GRIP2: variants seen among roughly 807,000 people sequenced by gnomAD.
The protein encoded by GRIP2 is glutamate receptor-interacting protein 2.
Under a neutral mutation model 108.3 loss-of-function variants are expected in GRIP2, and 58 were observed. That is an observed-to-expected ratio of 0.54 (90% CI 0.43 to 0.67). The LOEUF (loss-of-function observed/expected upper bound fraction) is 0.67, where lower values mean the gene tolerates loss of function less well. GRIP2 is among the 30% of genes least tolerant of loss of function. The probability of loss-of-function intolerance (pLI) is 0.00; values close to 1 mark genes in which losing one functional copy is unlikely to be tolerated. For synonymous variants in GRIP2, 586 were observed against 598.2 expected, an observed-to-expected ratio of 0.98 and a Z score of 0.30; for missense variants, 1,278 against 1,430.6, an observed-to-expected ratio of 0.89 and a Z score of 1.72.
intron 1 of GRIP2, among the ~76,000 whole-genome samples, chr3:14,529,680 T>A (rs538516715): frequency 5.3e-5 from 8 of 152,334 alleles, no homozygotes; most frequent in African/African-American, 1.9e-4. Context: ...TCTAATAATT[T>A]TAAATATTTT....
the GRIP2 span, chr3:14,574,453 C>T: frequency 1.4e-6 from 1 of 710,682 alleles, no homozygotes; most frequent in Middle Eastern, 3.0e-4. Flanking sequence ...CAGCCTCGCT[C>T]CAAAGGCAGC....
Position 14,521,742 on chromosome 3 carries a change from T to A in GRIP2, c.612A>T (p.Gly204=). 6.2e-7 allele frequency: 1 copy of A among 1,609,880 alleles called. No homozygotes were observed. The highest frequency in any genetic ancestry group is 1.1e-5 in the South Asian group (1 of 90,164). The change falls in exon 7 of 24, where the codon GGA becomes GGT. Residue 204 remains glycine (G), a synonymous_variant. Coordinates refer to ENST00000621039, the MANE Select transcript of GRIP2 (RefSeq NM_001080423.4). This position sits in a 1 kb window ranked among gnomAD's most constrained non-coding sequence, Gnocchi z 5.1. ...CATGGCTGGCCCCGTGCAGCGGGATTCCATCGACACTGAGCAGCCTGTCGC... is the reference window on the plus strand; with the variant it reads ...CATGGCTGGCCCCGTGCAGCGGGATACCATCGACACTGAGCAGCCTGTCGC... ...KVGDRLLSVD[G]IPLHGASHAT...
the GRIP2 span, among the ~76,000 whole-genome samples, chr3:14,567,382 C>T: frequency 0.026 from 3,923 of 152,168 alleles, 196 homozygotes; most frequent in African/African-American, 0.088. Flanking sequence ...ATCCCTCATG[C>T]CCTCCCTGGG....
rs776313859 is a variant in GRIP2, at chr3:14,493,804, TC to T, written c.2992del (p.Asp998ThrfsTer20). The T allele has an allele frequency of 6.2e-7, 1 of 1,613,278 alleles. No individual in the cohort carries two copies. The highest frequency in any genetic ancestry group is 1.7e-5 in the Admixed American group (1 of 59,988). On this transcript the variant is annotated frameshift_variant, in exon 24 of 24. Transcript: ENST00000621039. LOFTEE classifies it high-confidence loss of function. Reference sequence around the variant, plus strand: ...TGGCACCGCCAGGCAGCAGTCGAAGTCCCGTGTACGGACGTGGTTGACCTGC... The same window carrying T: ...TGGCACCGCCAGGCAGCAGTCGAAGTCCGTGTACGGACGTGGTTGACCTGC... Reference protein sequence around the residue: ...VLQVNHVRTRDFDCCLAVPLL... With the variant: ...VLQVNHVRTRXFDCCLAVPLL...
Position 14,511,463 on chromosome 3 carries a change from T to G in GRIP2, c.1737A>C (p.Arg579=). The G allele has an allele frequency of 6.2e-7, 1 of 1,613,550 alleles. No individual in the cohort carries two copies. The highest frequency in any genetic ancestry group is 8.5e-7 in the Non-Finnish European group (1 of 1,179,874). Residue 579 remains arginine (R), a synonymous_variant, in exon 15 of 24, where the codon CGA becomes CGC. Coordinates refer to ENST00000621039, the MANE Select transcript of GRIP2 (RefSeq NM_001080423.4). The surrounding 1 kb of genome is among the most constrained non-coding windows in gnomAD (Gnocchi z 4.1). ...GITISSASRK[R]GEPLIISDIK... ...TGTCGGAGATGATCAAGGGCTCCCC[T>G]CGTTTCCTGCTGGCCGCTGGAGAAA... is the stretch of plus-strand genomic sequence containing the variant.
chr3:14,537,729 G>T (rs901182784), intron 1 of GRIP2, among the ~76,000 whole-genome samples: 9 of 152,196 alleles, frequency 5.9e-5, no homozygotes, highest in African/African-American at 1.9e-4. Flanking sequence ...GCCTGGTGAG[G>T]GCCCCTCGGA....
chr3:14,597,059 C>T, the GRIP2 span, among the ~76,000 whole-genome samples: 26,809 of 152,092 alleles, frequency 0.18, 4,906 homozygotes, highest in African/African-American at 0.46. Context: ...TAGATCTAAA[C>T]GAAGTGAGTT....
chr3:14,555,908 C>T (rs1009125659), exon 1 of GRIP2: 95 of 399,866 alleles, frequency 2.4e-4, no homozygotes, highest in African/African-American at 1.7e-3. Flanking sequence ...ACCTTTGAGA[C>T]GCCGCCTCAC....
intron 1 of GRIP2, among the ~76,000 whole-genome samples, chr3:14,539,159 T>C (rs1336952565): frequency 6.6e-6 from 1 of 152,234 alleles, no homozygotes; most frequent in Non-Finnish European, 1.5e-5. Context: ...TCTGCCTCAG[T>C]TTCCCCAACT....
chr3:14,529,905 C>T (rs529676479), intron 1 of GRIP2, among the ~76,000 whole-genome samples: 1 of 152,304 alleles, frequency 6.6e-6, no homozygotes, highest in Non-Finnish European at 1.5e-5. Flanking sequence ...TTTTCCATTC[C>T]TTCCCCTGGG....
At chr3:14,553,550 A>G (rs1299050279) in intron 1 of GRIP2, among the ~76,000 whole-genome samples, 2 of 151,958 alleles carry the variant, frequency 1.3e-5, no homozygotes, top group African/African-American at 2.4e-5. Context: ...CAATAACTAC[A>G]CCCTCGAGTC....
chr3:14,525,305 G>A, intron 3 of GRIP2, 132 bp downstream of exon 3: 1 of 1,116,138 alleles, frequency 9.0e-7, no homozygotes. Flanking sequence ...CAGACACCAA[G>A]TTGATGGGTG....
In GRIP2 at chr3:14,493,646, T is replaced by C. The variant is rs1255567562; in HGVS notation, c.*19A>G. 1 of 1,573,446 alleles carries C rather than the reference T, an allele frequency of 6.4e-7. No individual in the cohort carries two copies. Among genetic ancestry groups the C allele is most frequent in the Non-Finnish European group, 8.6e-7 (1 of 1,157,348 alleles). On this transcript the variant is annotated 3_prime_UTR_variant, in exon 24 of 24. Transcript: ENST00000621039. ...ATCTGCCTGGGTGGCCCCTTAGGAGTTCGGCCCACATGCTGACTTCAGAGC... is the reference window on the plus strand; with the variant it reads ...ATCTGCCTGGGTGGCCCCTTAGGAGCTCGGCCCACATGCTGACTTCAGAGC...
At chr3:14,556,188 G>A, upstream of GRIP2, 1 of 390,460 alleles carries the variant, frequency 2.6e-6, no homozygotes, top group Non-Finnish European at 4.5e-6. Context: ...GGAGTGCAGT[G>A]CCGGATGTTC....
the GRIP2 span, among the ~76,000 whole-genome samples, chr3:14,602,951 C>A: frequency 6.7e-6 from 1 of 149,388 alleles, no homozygotes; most frequent in Non-Finnish European, 1.5e-5. The surrounding 1 kb of genome is among the most constrained non-coding windows in gnomAD (Gnocchi z 4.7). Context: ...CCGCTGCAGG[C>A]AGAGCGCGAG....
At chr3:14,562,598 C>T in the GRIP2 span, among the ~76,000 whole-genome samples, 1 of 152,202 alleles carries the variant, frequency 6.6e-6, no homozygotes, top group Admixed American at 6.5e-5. Flanking sequence ...GGAAAGGCAT[C>T]CTTCAGAGAA....
Position 14,507,762 on chromosome 3 carries a change from C to T in GRIP2, c.2079-62G>A. The T allele has an allele frequency of 1.3e-6, 2 of 1,575,924 alleles. No homozygotes were observed. The highest frequency in any genetic ancestry group is 1.7e-5 in the Admixed American group (1 of 59,156). On this transcript the variant is annotated intron_variant, in intron 17 of 23. Transcript: ENST00000621039. The surrounding 1 kb of genome is among the most constrained non-coding windows in gnomAD (Gnocchi z 4.6). The stretch of plus-strand genomic sequence containing the variant: ...ACACTCAGGGCCTCAGAGTGGCAGT[C>T]TGCCCTCAGGGAATCCAGGAGAGCC...
At chr3:14,503,539 G>A in intron 21 of GRIP2, 27 bp downstream of exon 21, 3 of 1,556,748 alleles carry the variant, frequency 1.9e-6, no homozygotes, top group Non-Finnish European at 2.6e-6. Context: ...GGTGCCCCAT[G>A]CAGGCCTGCA....
chr3:14,553,881 C>T (rs951068212), intron 1 of GRIP2, among the ~76,000 whole-genome samples: 20 of 152,256 alleles, frequency 1.3e-4, no homozygotes, highest in Non-Finnish European at 2.1e-4. Context: ...CAGTGCCCTC[C>T]GTGAAGGAGT....
Sources: gnomAD v4.1 joint callset for allele counts (sites outside exome capture counted in the v4.1 genomes callset) on GRCh38, gnomAD v4.1.1 for gene constraint, Gnocchi (gnomAD v3.1) non-coding constraint, MANE v1.5 for transcripts, NCBI Gene and HGNC (gene_info 2026-07-23, HGNC 2026-07-21) for gene names.